ENTPD1: variants seen among roughly 807,000 people sequenced by gnomAD.
ENTPD1 encodes the protein ATP diphosphohydrolase.
In ENTPD1, 33 loss-of-function variants were observed where a neutral mutation model predicts 57.0. The observed-to-expected ratio is 0.58, with a 90% CI of 0.44 to 0.77. ENTPD1 has a LOEUF of 0.77. Among genes scored for constraint, ENTPD1 ranks in the 30% least tolerant of loss-of-function variants. The pLI is 0.00. For synonymous variants in ENTPD1, 202 were observed against 218.8 expected (o/e 0.92, Z 0.68); for missense variants, 501 against 603.4 (o/e 0.83, Z 1.78).
At chr10:95,774,817 C>G (rs886367777) in intron 1 of ENTPD1, among the ~76,000 whole-genome samples, 1 of 152,110 alleles carries the variant, frequency 6.6e-6, no homozygotes, top group Non-Finnish European at 1.5e-5. Flanking sequence ...AATGTGGGCT[C>G]TTTTTTGGTT....
At chr10:95,803,687 G>A (rs756239877) in intron 1 of ENTPD1, among the ~76,000 whole-genome samples, 1 of 152,160 alleles carries the variant, frequency 6.6e-6, no homozygotes, top group Non-Finnish European at 1.5e-5. Context: ...TTCTTTTGCT[G>A]TGCAAACTTT....
Position 95,873,740 on chromosome 10 carries a change from T to G in ENTPD1, c.*7357T>G. On this transcript the variant is annotated 3_prime_UTR_variant, in exon 10 of 10. Transcript: ENST00000371205. ...TCCATGCTGCTGATAAAGACATATC[T>G]GAGACTGGAAACAAAAAGGGTTTAA... The G allele has an allele frequency of 1.0e-6, 1 of 971,624 alleles. No individual in the cohort carries two copies. Among genetic ancestry groups the G allele is most frequent in the Non-Finnish European group, 1.2e-6 (1 of 817,408 alleles). 60.2% of individuals were successfully genotyped at this position (971,624 alleles called of 1,614,324 possible).
In ENTPD1 at chr10:95,842,328, C is replaced by A; in HGVS notation, c.263-16C>A. The A allele has an allele frequency of 1.2e-6, 2 of 1,605,106 alleles. No homozygotes were observed. The highest frequency in any genetic ancestry group is 1.7e-6 in the Non-Finnish European group (2 of 1,172,108). The stretch of plus-strand genomic sequence containing the variant: ...TTTTTTTTTAAAAGATTGTTATCTT[C>A]TACATTTTTTCCTAGGTCCTGGAAT... On this transcript the variant is annotated splice_polypyrimidine_tract_variant and intron_variant, in intron 3 of 9. Transcript: ENST00000371205.
Position 95,871,913 on chromosome 10 carries a change from G to A in ENTPD1, c.*5530G>A. 1.0e-6 allele frequency: 1 copy of A among 985,280 alleles called. No individual in the cohort carries two copies. Among genetic ancestry groups the A allele is most frequent in the Non-Finnish European group, 1.2e-6 (1 of 829,910 alleles). 61.0% of individuals were successfully genotyped at this position (985,280 alleles called of 1,614,324 possible). A position where few individuals can be genotyped will look rare whatever the true frequency, so the allele number is the denominator to read the frequency against. On this transcript the variant is annotated 3_prime_UTR_variant, in exon 10 of 10. Coordinates refer to ENST00000371205, the MANE Select transcript of ENTPD1 (RefSeq NM_001776.6). ...AGAAGAGAGGGAAGAAAAAGTCTTG[G>A]GAGCTAGTCAGGGAATAGTGTGTAT...
intron 1 of ENTPD1, among the ~76,000 whole-genome samples, chr10:95,787,159 A>C (rs1367421172): frequency 6.6e-6 from 1 of 152,222 alleles, no homozygotes; most frequent in Non-Finnish European, 1.5e-5. Context: ...ATAAAGCATA[A>C]TAAGATATAT....
intron 1 of ENTPD1, among the ~76,000 whole-genome samples, chr10:95,747,956 C>T (rs1234626384): frequency 6.6e-6 from 1 of 151,828 alleles, no homozygotes. Flanking sequence ...ACTGCAAGCT[C>T]TGCCTCCTGG....
intron 2 of ENTPD1, 110 bp downstream of exon 2, chr10:95,823,474 C>T: frequency 2.0e-6 from 3 of 1,533,616 alleles, no homozygotes; most frequent in Non-Finnish European, 2.7e-6. Flanking sequence ...GAGGTTCTAA[C>T]AGCCCAGGAA....
chr10:95,723,704 G>C (rs11188448), intron 1 of ENTPD1, among the ~76,000 whole-genome samples: 8,348 of 152,252 alleles, frequency 0.055, 267 homozygotes, highest in South Asian at 0.088. Flanking sequence ...CTGTTGAGTA[G>C]AGACTTCTGG....
At chr10:95,732,245 T>A (rs2097990081) in intron 1 of ENTPD1, among the ~76,000 whole-genome samples, 1 of 152,216 alleles carries the variant, frequency 6.6e-6, no homozygotes, top group Non-Finnish European at 1.5e-5. Context: ...GGGTTATTGG[T>A]GGCTGTCAGG....
chr10:95,847,200 AG>A (rs2098437411), intron 6 of ENTPD1, among the ~76,000 whole-genome samples: 1 of 152,192 alleles, frequency 6.6e-6, no homozygotes, highest in African/African-American at 2.4e-5. Flanking sequence ...TTCTGGGCCC[AG>A]TTTTAACTAC....
chr10:95,715,240 G>A (rs1432115294), intron 1 of ENTPD1, among the ~76,000 whole-genome samples: 1 of 151,954 alleles, frequency 6.6e-6, no homozygotes, highest in African/African-American at 2.4e-5. Flanking sequence ...CATGTATTTT[G>A]GGGCTCTGTG....
chr10:95,862,686 A>T (rs1449369764), intron 8 of ENTPD1, among the ~76,000 whole-genome samples: 2 of 152,196 alleles, frequency 1.3e-5, no homozygotes, highest in Non-Finnish European at 2.9e-5. Context: ...GGGCTAGTAG[A>T]ATCTTTCAGC....
intron 1 of ENTPD1, among the ~76,000 whole-genome samples, chr10:95,744,163 C>T (rs1449674159): frequency 6.6e-6 from 1 of 151,832 alleles, no homozygotes; most frequent in African/African-American, 2.4e-5. Context: ...CCTTACTTGT[C>T]TATAACCTTC....
chr10:95,866,619 C>A lies in ENTPD1; in HGVS notation c.*236C>A. ...GAGTTTTTCCCAGCTACACCTTTCT[C>A]CTTTGTACTTTGTGCTTGTATAGGT... On this transcript the variant is annotated 3_prime_UTR_variant, in exon 10 of 10. Transcript: ENST00000371205. 1.5e-6 allele frequency: 2 copies of A among 1,368,756 alleles called. No homozygotes were observed. Among genetic ancestry groups the A allele is most frequent in the Non-Finnish European group, 1.9e-6 (2 of 1,059,464 alleles). The allele number at this position is 1,368,756 out of a possible 1,614,324, so 84.8% of individuals were successfully genotyped here. A position where few individuals can be genotyped will look rare whatever the true frequency, so the allele number is the denominator to read the frequency against.
rs940874709 is a variant in ENTPD1 at position 95,748,609 on chromosome 10, T to G, written c.37+36616T>G. On this transcript the variant is annotated intron_variant, in intron 1 of 9. Coordinates refer to the ENTPD1 transcript ENST00000453258. ...GCAGATAAGGGCTTTGGAAAAATTA[T>G]AGCCACAATACTACTATCATACCTT... Among the ~76,000 whole-genome samples, 2 of 152,236 alleles carry G rather than the reference T, an allele frequency of 1.3e-5. 1 individual carries two copies. The highest frequency in any genetic ancestry group is 2.9e-5 in the Non-Finnish European group (2 of 68,042).
At chr10:95,826,232 A>G (rs952881034) in intron 2 of ENTPD1, among the ~76,000 whole-genome samples, 2 of 152,126 alleles carry the variant, frequency 1.3e-5, no homozygotes, top group Non-Finnish European at 2.9e-5. Flanking sequence ...CTAAAATAAT[A>G]TCTGAAGAAT....
chr10:95,845,179 GT>G (rs1219740472), intron 5 of ENTPD1, among the ~76,000 whole-genome samples, 177 bp from the exon 6 acceptor site: 1 of 152,214 alleles, frequency 6.6e-6, no homozygotes, highest in African/African-American at 2.4e-5. Context: ...TCTGAGCTAT[GT>G]CTTTGAAGCC....
At chr10:95,792,720 G>C (rs2098210062) in intron 1 of ENTPD1, among the ~76,000 whole-genome samples, 1 of 152,160 alleles carries the variant, frequency 6.6e-6, no homozygotes, top group East Asian at 1.9e-4. Context: ...TGGTTTTTAG[G>C]CTGGTCTGTT....
At position 95,871,988 on chromosome 10, in the gene ENTPD1, C is replaced by T. The variant is rs1242226897; in HGVS notation, c.*5605C>T. 7 of 985,292 alleles carry T rather than the reference C, an allele frequency of 7.1e-6. No individual in the cohort carries two copies. The highest frequency in any genetic ancestry group is 7.0e-5 in the African/African-American group (4 of 57,226). 61.0% of individuals were successfully genotyped at this position (985,292 alleles called of 1,614,324 possible). A position where few individuals can be genotyped will look rare whatever the true frequency, so the allele number is the denominator to read the frequency against. On this transcript the variant is annotated 3_prime_UTR_variant, in exon 10 of 10. Coordinates refer to ENST00000371205, the MANE Select transcript of ENTPD1 (RefSeq NM_001776.6). ...ACCATTACTCCTAACCCAGTTCCTCCTCCTGTGTTTTACATGATTAATGCC... is the reference window on the plus strand; with the variant it reads ...ACCATTACTCCTAACCCAGTTCCTCTTCCTGTGTTTTACATGATTAATGCC...
Sources: allele counts gnomAD v4.1 joint callset (sites outside exome capture counted in the v4.1 genomes callset), GRCh38; gene constraint gnomAD v4.1.1; transcripts MANE v1.5; gene names NCBI Gene and HGNC (gene_info 2026-07-23, HGNC 2026-07-21).